Variants in LMF1 observed in about 807,000 individuals in gnomAD.
The protein encoded by LMF1 is transmembrane protein 112.
A neutral mutation model predicts 60.6 loss-of-function variants in LMF1; 68 were observed. The ratio of observed to expected loss-of-function variants is 1.12; its 90% CI spans 0.92 to 1.37. LMF1 has a LOEUF of 1.37. LMF1 is among the 40% of genes most tolerant of loss of function. The probability of loss-of-function intolerance (pLI) is 0.00; values close to 1 mark genes in which losing one functional copy is unlikely to be tolerated. For missense variants in LMF1, 948 were observed against 767.2 expected (o/e 1.24, Z -2.78); for synonymous variants, 418 against 324.7 (o/e 1.29, Z -3.09).
chr16:948,814 CAGAGT>C (rs1567297149), intron 2 of LMF1, among the ~76,000 whole-genome samples: 3 of 126,114 alleles, frequency 2.4e-5, no homozygotes, highest in Non-Finnish European at 3.3e-5. Context: ...CAGCCAACGA[CAGAGT>C]CAGCCAACGA....
intron 3 of LMF1, among the ~76,000 whole-genome samples, chr16:912,281 C>T (rs1393308822): frequency 1.3e-5 from 2 of 152,064 alleles, no homozygotes; most frequent in Admixed American, 6.6e-5. Flanking sequence ...GGAGGGGAAG[C>T]GGACGGAGGC....
chr16:890,044 C>A (rs1435987591), intron 5 of LMF1, among the ~76,000 whole-genome samples: 1 of 152,180 alleles, frequency 6.6e-6, no homozygotes, highest in Non-Finnish European at 1.5e-5. Flanking sequence ...TCCTCGCTCT[C>A]CCCACACACT....
intron 10 of LMF1, 186 bp from the exon 11 acceptor site, chr16:854,892 C>T (rs974377160): frequency 6.0e-5 from 39 of 645,494 alleles, no homozygotes; most frequent in Middle Eastern, 4.1e-4. Flanking sequence ...CTGTTCCAGT[C>T]GGCACCCTCA....
chr16:939,162 G>A (rs1470210935), intron 2 of LMF1, among the ~76,000 whole-genome samples: 2 of 152,222 alleles, frequency 1.3e-5, no homozygotes, highest in Non-Finnish European at 2.9e-5. Flanking sequence ...GCAGAGAAAT[G>A]CGTATTTAAA....
intron 2 of LMF1, among the ~76,000 whole-genome samples, chr16:937,666 A>G (rs917937884): frequency 2.6e-5 from 4 of 152,216 alleles, no homozygotes; most frequent in South Asian, 2.1e-4. Flanking sequence ...TCCCATTTCT[A>G]TAGGAAGCTT....
chr16:975,947 G>T, upstream of LMF1: 1 of 454,170 alleles, frequency 2.2e-6, no homozygotes, highest in Non-Finnish European at 4.4e-6. Flanking sequence ...GGGGCTCGGT[G>T]TTGGGAGGTT....
intron 10 of LMF1, among the ~76,000 whole-genome samples, chr16:861,016 GT>G (rs3054320): frequency 9.5e-5 from 14 of 146,860 alleles, no homozygotes; most frequent in East Asian, 5.9e-4. Context: ...ATCTTGCTGG[GT>G]TTTTTTTTTA....
chr16:870,990 G>C, intron 7 of LMF1, 108 bp from the exon 8 acceptor site: 2 of 1,448,920 alleles, frequency 1.4e-6, no homozygotes, highest in South Asian at 2.7e-5. Flanking sequence ...CTGGGTCCCG[G>C]GGACGGAGCA....
intron 2 of LMF1, among the ~76,000 whole-genome samples, chr16:935,896 C>T (rs1411919858): frequency 2.0e-5 from 3 of 152,222 alleles, no homozygotes; most frequent in Admixed American, 1.3e-4. Context: ...GACATCTGAG[C>T]CGTGGGGGAG....
chr16:890,705 T>C (rs4984957), intron 5 of LMF1, among the ~76,000 whole-genome samples: 58,810 of 151,860 alleles, frequency 0.39, 12,696 homozygotes, highest in African/African-American at 0.57. Flanking sequence ...TGGGCCTCTT[T>C]TAAGGACACA....
At chr16:854,829 G>A (rs963145445) in intron 10 of LMF1, 123 bp from the exon 11 acceptor site, 22 of 909,104 alleles carry the variant, frequency 2.4e-5, no homozygotes, top group Non-Finnish European at 3.8e-5. Context: ...GGCTGCATGA[G>A]GAGCCCCCAC....
chr16:859,912 G>A (rs1394593619), intron 10 of LMF1, among the ~76,000 whole-genome samples: 1 of 143,112 alleles, frequency 7.0e-6, no homozygotes, highest in Non-Finnish European at 1.5e-5. Flanking sequence ...GGTGTGCAGT[G>A]GTGTCACGGG....
At chr16:945,525 CA>C (rs72449666) in intron 2 of LMF1, among the ~76,000 whole-genome samples, 6 of 143,428 alleles carry the variant, frequency 4.2e-5, no homozygotes, top group Admixed American at 7.0e-5. Flanking sequence ...GAGGCTGTCT[CA>C]AAAAAAAAAG....
rs749366895 is a variant in LMF1, at chr16:970,858, C to T, written c.123G>A (p.Pro41=). The T allele has an allele frequency of 1.3e-6, 2 of 1,560,082 alleles. No homozygotes were observed. Among genetic ancestry groups the T allele is most frequent in the Non-Finnish European group, 1.7e-6 (2 of 1,154,298 alleles). The change falls in exon 1 of 11, where the codon CCG becomes CCA. Residue 41 remains proline (P), a synonymous_variant. Coordinates refer to ENST00000262301, the MANE Select transcript of LMF1 (RefSeq NM_022773.4). ...AGAAGGTGCCCGTGTGGAGATGGGC[C>T]GGAGAGCCTGCGGGGCCACGCCCCG... ...PAPGRGPAGS[P]AHLHTGTFWL...
At chr16:966,810 G>T (rs2072934639) in intron 1 of LMF1, among the ~76,000 whole-genome samples, 1 of 152,188 alleles carries the variant, frequency 6.6e-6, no homozygotes, top group Non-Finnish European at 1.5e-5. Flanking sequence ...CACCAACCCT[G>T]AGCCCCACTA....
chr16:879,863 T>G lies in LMF1; in HGVS notation c.730-126A>C. The G allele has an allele frequency of 4.2e-6, 4 of 943,132 alleles. No individual in the cohort carries two copies. The South Asian group carries it at 5.1e-5, about 12-fold the overall frequency. 58.4% of individuals were successfully genotyped at this position (943,132 alleles called of 1,614,324 possible). ...GCACACAGGATCCCCCCGGCCCGCC[T>G]GGCCCTGCACACGTGGAGCCCACCT... On this transcript the variant is annotated intron_variant, in intron 5 of 10. Transcript: ENST00000262301.
Position 950,119 on chromosome 16 carries a change from G to A in LMF1, c.503+4238C>T, listed in dbSNP as rs1292065839. Among the ~76,000 whole-genome samples, 3 of 84,498 alleles carry A rather than the reference G, an allele frequency of 3.6e-5. 1 individual carries two copies. The highest frequency in any genetic ancestry group is 6.2e-5 in the Non-Finnish European group (3 of 48,574). The allele number at this position is 84,498 out of a possible 152,430, so 55.4% of individuals were successfully genotyped here. ...CAGAGCCAACGACAGAGTCAGAGAC[G>A]AAAGACTCAGAGCCAATGACAGAGT... is the stretch of plus-strand genomic sequence containing the variant. On this transcript the variant is annotated intron_variant, in intron 2 of 10. Coordinates refer to ENST00000262301, the MANE Select transcript of LMF1 (RefSeq NM_022773.4).
chr16:858,708 G>C (rs1430302658), intron 10 of LMF1, among the ~76,000 whole-genome samples: 60 of 88,886 alleles, frequency 6.8e-4, no homozygotes, highest in South Asian at 1.4e-3. Flanking sequence ...ACGGGTGTGA[G>C]TGGTGTCTCG....
chr16:900,401 C>G (rs2070776006), intron 4 of LMF1: 1 of 152,298 alleles, frequency 6.6e-6, no homozygotes, highest in South Asian at 2.1e-4. Context: ...AGGTGTGAGC[C>G]CTCCAGAGCC....
Sources: allele counts gnomAD v4.1 joint callset (sites outside exome capture counted in the v4.1 genomes callset), GRCh38; gene constraint gnomAD v4.1.1; transcripts MANE v1.5; gene names NCBI Gene and HGNC (gene_info 2026-07-23, HGNC 2026-07-21).